Variants in LARP4B observed in about 807,000 individuals in gnomAD.
The protein encoded by LARP4B is la-related protein 4B.
A neutral mutation model predicts 89.8 loss-of-function variants in LARP4B; 12 were observed. The ratio of observed to expected loss-of-function variants is 0.13; its 90% CI spans 0.09 to 0.22. LARP4B has a LOEUF of 0.22. LARP4B is among the 10% of genes least tolerant of loss of function. The probability of loss-of-function intolerance (pLI) is 1.00; values close to 1 mark genes in which losing one functional copy is unlikely to be tolerated. For missense variants in LARP4B, 757 were observed against 947.7 expected (o/e 0.80, Z 2.64); for synonymous variants, 367 against 363.3 (o/e 1.01, Z -0.12).
At chr10:826,079 C>G (rs1490532695) in intron 11 of LARP4B, among the ~76,000 whole-genome samples, 1 of 152,194 alleles carries the variant, frequency 6.6e-6, no homozygotes, top group Non-Finnish European at 1.5e-5. Context: ...CCAATCCTTA[C>G]AACAATCCAG....
the LARP4B span, among the ~76,000 whole-genome samples, chr10:938,843 T>C: frequency 7.9e-5 from 12 of 152,200 alleles, no homozygotes; most frequent in Admixed American, 3.3e-4. Context: ...AGTTATCTTG[T>C]AGAGACACAT....
intron 1 of LARP4B, among the ~76,000 whole-genome samples, chr10:925,015 A>C (rs1463952190): frequency 4.6e-5 from 7 of 152,238 alleles, no homozygotes; most frequent in African/African-American, 9.6e-5. Flanking sequence ...TAAATTAGTA[A>C]GTAAATTATA....
rs142679804 is a variant in LARP4B, at chr10:871,549, A to G, written c.142-7279T>C. On this transcript the variant is annotated intron_variant, in intron 3 of 17. Coordinates refer to ENST00000316157, the MANE Select transcript of LARP4B (RefSeq NM_015155.3). Reference sequence around the variant, plus strand: ...TGTCCTCTTCTTGGTAAAAGGCACTATTTTCAGATTGCAGAGACACCTCAC... The same window carrying G: ...TGTCCTCTTCTTGGTAAAAGGCACTGTTTTCAGATTGCAGAGACACCTCAC... 1.8e-3 allele frequency among the ~76,000 whole-genome samples: 278 copies of G among 151,980 alleles called. 1 individual carries two copies. The highest frequency in any genetic ancestry group is 6.3e-3 in the African/African-American group (262 of 41,440).
the LARP4B span, among the ~76,000 whole-genome samples, chr10:943,999 C>T: frequency 6.6e-6 from 1 of 151,816 alleles, no homozygotes; most frequent in Non-Finnish European, 1.5e-5. Context: ...TAGCATGATT[C>T]AAAAAGAAAA....
chr10:864,299 T>A, intron 3 of LARP4B, 29 bp from the exon 4 acceptor site: 1 of 1,610,042 alleles, frequency 6.2e-7, no homozygotes, highest in Non-Finnish European at 8.5e-7. Flanking sequence ...TAGACATTTG[T>A]ATCCAAATGT....
At chr10:864,337 G>T in intron 3 of LARP4B, 67 bp from the exon 4 acceptor site, 1 of 1,524,836 alleles carries the variant, frequency 6.6e-7, no homozygotes, top group Non-Finnish European at 9.1e-7. Context: ...ACTCATTAAT[G>T]CAGAGTTAAG....
intron 1 of LARP4B, among the ~76,000 whole-genome samples, chr10:896,843 T>C (rs1836202761): frequency 6.6e-6 from 1 of 152,196 alleles, no homozygotes; most frequent in Non-Finnish European, 1.5e-5. Flanking sequence ...CCCATGTTCA[T>C]GGATGGAAAG....
At chr10:823,281 G>C (rs942473646) in intron 13 of LARP4B, among the ~76,000 whole-genome samples, 5 of 152,188 alleles carry the variant, frequency 3.3e-5, no homozygotes, top group African/African-American at 1.2e-4. Flanking sequence ...CTGCCGCAGT[G>C]CTCAGGTCTC....
At chr10:978,331 A>G in the LARP4B span, among the ~76,000 whole-genome samples, 2 of 152,190 alleles carry the variant, frequency 1.3e-5, no homozygotes, top group Non-Finnish European at 2.9e-5. Flanking sequence ...CAATTTTCGC[A>G]TTCTATATTT....
intron 15 of LARP4B, chr10:815,617 G>A (rs1334228450): frequency 2.6e-5 from 4 of 152,192 alleles, no homozygotes; most frequent in African/African-American, 4.8e-5. Flanking sequence ...AAGTTAATTT[G>A]CCCAAGGCCA....
chr10:852,635 G>A (rs774365690), intron 5 of LARP4B, among the ~76,000 whole-genome samples: 3 of 152,124 alleles, frequency 2.0e-5, no homozygotes, highest in South Asian at 2.1e-4. Flanking sequence ...CTAGTACAAC[G>A]GGGCAGGATA....
chr10:926,183 G>A (rs1564449068), intron 1 of LARP4B, among the ~76,000 whole-genome samples: 2 of 152,170 alleles, frequency 1.3e-5, no homozygotes, highest in African/African-American at 4.8e-5. Context: ...AGCATAAAAA[G>A]AGAATCTCAC....
rs147534092 is a variant in LARP4B at position 845,549 on chromosome 10, G to A, written c.431-494C>T. 2.5e-3 allele frequency among the ~76,000 whole-genome samples: 382 copies of A among 152,312 alleles called. 2 individuals carry two copies. Among genetic ancestry groups the A allele is most frequent in the African/African-American group, 8.7e-3 (360 of 41,564 alleles). On this transcript the variant is annotated intron_variant, in intron 5 of 17. Coordinates refer to ENST00000316157, the MANE Select transcript of LARP4B (RefSeq NM_015155.3). ...TTGCCTTCCAACTTCCAGAGTCGAA[G>A]GAACAAGTGAGAATTGTCATGTTAC...
At chr10:893,636 C>T (rs766520408) in intron 1 of LARP4B, among the ~76,000 whole-genome samples, 2 of 152,190 alleles carry the variant, frequency 1.3e-5, no homozygotes, top group African/African-American at 2.4e-5. Flanking sequence ...TATTCATCTA[C>T]GCTTTTCCAG....
At chr10:889,380 A>C (rs1231710945) in intron 1 of LARP4B, among the ~76,000 whole-genome samples, 1 of 151,910 alleles carries the variant, frequency 6.6e-6, no homozygotes, top group African/African-American at 2.4e-5. Context: ...TCACACACAC[A>C]CCCACACTCA....
In LARP4B at chr10:812,633, A is replaced by T. The variant is rs980363947; in HGVS notation, c.*293T>A. The T allele has an allele frequency of 2.6e-5, 7 of 269,104 alleles. No individual in the cohort carries two copies. The highest frequency in any genetic ancestry group is 1.3e-4 in the African/African-American group (6 of 45,792). The allele number at this position is 269,104 out of a possible 1,614,324, so 16.7% of individuals were successfully genotyped here. ...GAGCCACATGGAGGCTTAATAAAAA[A>T]TACCAATTTGTTAGGATAAATGCTT... On this transcript the variant is annotated 3_prime_UTR_variant, in exon 18 of 18. Coordinates refer to ENST00000316157, the MANE Select transcript of LARP4B (RefSeq NM_015155.3).
intron 7 of LARP4B, among the ~76,000 whole-genome samples, chr10:841,939 C>T (rs1482999329): frequency 3.3e-5 from 5 of 151,972 alleles, no homozygotes; most frequent in Admixed American, 1.3e-4. Flanking sequence ...ATGTAAGATG[C>T]TCACTTTTTT....
At chr10:948,113 G>A in the LARP4B span, among the ~76,000 whole-genome samples, 1 of 152,034 alleles carries the variant, frequency 6.6e-6, no homozygotes, top group East Asian at 1.9e-4. Context: ...AGATTCCTGC[G>A]CTGCTCCCTG....
chr10:936,786 T>C (rs1830753117), upstream of LARP4B, among the ~76,000 whole-genome samples: 2 of 152,112 alleles, frequency 1.3e-5, no homozygotes, highest in Admixed American at 1.3e-4. Flanking sequence ...AAGGTTTTGC[T>C]GTGGAGTATC....
Sources: allele counts gnomAD v4.1 joint callset (sites outside exome capture counted in the v4.1 genomes callset), GRCh38; gene constraint gnomAD v4.1.1; transcripts MANE v1.5; gene names NCBI Gene and HGNC (gene_info 2026-07-23, HGNC 2026-07-21).